ARHGAP42: variants seen among roughly 807,000 people sequenced by gnomAD.
ARHGAP42 encodes the protein Rho GTPase activating protein 42, also known as rho GTPase-activating protein 42.
ARHGAP42 carries 63 observed loss-of-function variants against 125.0 expected under a neutral mutation model. The ratio of observed to expected loss-of-function variants is 0.50; its 90% CI spans 0.41 to 0.62. ARHGAP42 has a LOEUF of 0.62. Ranked by LOEUF, ARHGAP42 falls within the 20% of genes least tolerant of loss-of-function variation. The pLI, the probability that ARHGAP42 is intolerant of heterozygous loss-of-function variation, is 0.00. For missense variants in ARHGAP42, 766 were observed against 1,024.2 expected, an observed-to-expected ratio of 0.75 and a Z score of 3.44; for synonymous variants, 339 against 351.0, an observed-to-expected ratio of 0.97 and a Z score of 0.38.
chr11:100,692,233 G>A (rs958777339), intron 1 of ARHGAP42, among the ~76,000 whole-genome samples: 2 of 152,096 alleles, frequency 1.3e-5, no homozygotes, highest in African/African-American at 4.8e-5. Flanking sequence ...GGAAAAAAAA[G>A]ATAATGGACT....
intron 1 of ARHGAP42, among the ~76,000 whole-genome samples, chr11:100,733,422 T>C (rs1321277873): frequency 2.0e-5 from 3 of 152,200 alleles, no homozygotes; most frequent in Admixed American, 1.3e-4. Flanking sequence ...TTGCAAACAC[T>C]AATTCTACAT....
At chr11:100,733,578 C>T (rs985163835) in intron 1 of ARHGAP42, among the ~76,000 whole-genome samples, 1 of 152,108 alleles carries the variant, frequency 6.6e-6, no homozygotes. Context: ...AATCCCAGCA[C>T]TCTGGGCGGC....
intron 1 of ARHGAP42, among the ~76,000 whole-genome samples, chr11:100,718,952 T>C (rs1217156585): frequency 6.6e-6 from 1 of 152,236 alleles, no homozygotes; most frequent in East Asian, 1.9e-4. Context: ...ATGGTATTTG[T>C]GATGGAGAAA....
intron 4 of ARHGAP42, among the ~76,000 whole-genome samples, chr11:100,874,732 T>C (rs1591258521): frequency 6.6e-6 from 1 of 152,318 alleles, no homozygotes. Flanking sequence ...AGTTCTCCAG[T>C]CTACCGTATC....
At chr11:100,889,657 A>G (rs1277822747) in intron 4 of ARHGAP42, among the ~76,000 whole-genome samples, 3 of 152,172 alleles carry the variant, frequency 2.0e-5, no homozygotes, top group Non-Finnish European at 2.9e-5. Context: ...TGGTTTTCTG[A>G]TTTAACCTAG....
intron 2 of ARHGAP42, among the ~76,000 whole-genome samples, chr11:100,777,491 CT>C (rs1262442925): frequency 6.6e-6 from 1 of 152,094 alleles, no homozygotes; most frequent in African/African-American, 2.4e-5. Context: ...TTTTTACTTA[CT>C]TTGAAGATGC....
chr11:100,953,025 T>TATTC (rs2135287650), intron 12 of ARHGAP42, among the ~76,000 whole-genome samples: 1 of 152,288 alleles, frequency 6.6e-6, no homozygotes, highest in Non-Finnish European at 1.5e-5. Context: ...TGTTAGGTCT[T>TATTC]GAATAAGTCA....
intron 7 of ARHGAP42, among the ~76,000 whole-genome samples, chr11:100,935,423 C>T (rs1867706894): frequency 6.6e-6 from 1 of 152,072 alleles, no homozygotes; most frequent in East Asian, 1.9e-4. Flanking sequence ...CAAAAATAGC[C>T]TTTGGAACTG....
intron 17 of ARHGAP42, among the ~76,000 whole-genome samples, chr11:100,968,334 C>G (rs965351980): frequency 6.6e-6 from 1 of 151,896 alleles, no homozygotes; most frequent in African/African-American, 2.4e-5. Context: ...TACCATTTTT[C>G]TTTTTGTTTT....
intron 5 of ARHGAP42, among the ~76,000 whole-genome samples, chr11:100,918,563 C>T (rs1867142649): frequency 6.6e-6 from 1 of 152,142 alleles, no homozygotes; most frequent in South Asian, 2.1e-4. Flanking sequence ...TTATCCAGTA[C>T]AAAATATATA....
chr11:100,848,442 G>A lies in ARHGAP42; in HGVS notation c.313-11112G>A, dbSNP rs537114684. On this transcript the variant is annotated intron_variant, in intron 3 of 23. Coordinates refer to ENST00000298815, the MANE Select transcript of ARHGAP42 (RefSeq NM_152432.4). Reference sequence around the variant, plus strand: ...GGAGATAAGGAGAGTTTTACAACCAGCAACCATCTTCCTGCTCATGTAAAC... The same window carrying A: ...GGAGATAAGGAGAGTTTTACAACCAACAACCATCTTCCTGCTCATGTAAAC... Among the ~76,000 whole-genome samples the A allele has an allele frequency of 3.2e-4, 49 of 152,020 alleles. No individual in the cohort carries two copies. The South Asian group carries it at 4.8e-3, about 15-fold the overall frequency.
chr11:100,715,358 G>C (rs1861641811), intron 1 of ARHGAP42, among the ~76,000 whole-genome samples: 1 of 152,134 alleles, frequency 6.6e-6, no homozygotes, highest in East Asian at 1.9e-4. Flanking sequence ...TTAACCCAGT[G>C]AATCTAGTAT....
intron 4 of ARHGAP42, among the ~76,000 whole-genome samples, chr11:100,888,326 A>G (rs614761): frequency 0.85 from 129,727 of 151,996 alleles, 55,493 homozygotes; most frequent in East Asian, 1. Flanking sequence ...TGATAGTTTC[A>G]TTTCTTGTAA....
At chr11:100,781,239 T>C (rs1424123256) in intron 2 of ARHGAP42, among the ~76,000 whole-genome samples, 3 of 152,162 alleles carry the variant, frequency 2.0e-5, no homozygotes, top group Non-Finnish European at 4.4e-5. Context: ...ATCTTTCTCT[T>C]ACTTTCTTTA....
chr11:100,770,358 T>C lies in ARHGAP42; in HGVS notation c.170T>C (p.Val57Ala). 2 of 1,549,808 alleles carry C rather than the reference T, an allele frequency of 1.3e-6. No homozygotes were observed. Among genetic ancestry groups the C allele is most frequent in the East Asian group, 2.4e-5 (1 of 40,850 alleles). Residue 57 changes from valine (V) to alanine (A), a missense_variant, in exon 2 of 24, where the codon GTG becomes GCG. Physicochemically the swap from Val to Ala is moderately conservative, Grantham distance 64 (BLOSUM62 0). This residue lies in a region of ARHGAP42 where 455 missense variants were observed against 636.5 expected (regional missense o/e 0.71). Transcript: ENST00000298815. ...IGALRNLSMA[V>A]QKFSQSLQDF... The stretch of plus-strand genomic sequence containing the variant: ...TTACTTGCAGATCTGTCTATGGCAG[T>C]GCAGAAATTTTCCCAGTCATTGCAA...
chr11:100,850,974 C>A (rs1417919923), intron 3 of ARHGAP42, among the ~76,000 whole-genome samples: 1 of 147,858 alleles, frequency 6.8e-6, no homozygotes, highest in Non-Finnish European at 1.5e-5. Flanking sequence ...CTCCGCCACC[C>A]AGGTTCAAAT....
At chr11:100,866,858 A>G (rs1430873080) in intron 4 of ARHGAP42, among the ~76,000 whole-genome samples, 2 of 152,178 alleles carry the variant, frequency 1.3e-5, no homozygotes, top group Admixed American at 6.5e-5. Context: ...TTTTTTAATC[A>G]TAAGACTTGA....
chr11:100,829,972 A>G (rs1289628005), intron 3 of ARHGAP42, among the ~76,000 whole-genome samples: 1 of 152,240 alleles, frequency 6.6e-6, no homozygotes, highest in Admixed American at 6.5e-5. Flanking sequence ...AAAGCTACAT[A>G]CTTTGGATTC....
intron 4 of ARHGAP42, among the ~76,000 whole-genome samples, chr11:100,893,846 T>G (rs1166445710): frequency 1.3e-5 from 2 of 152,122 alleles, no homozygotes; most frequent in African/African-American, 4.8e-5. Context: ...ATAGAAATAT[T>G]TATTTTAGGT....
Sources: allele counts gnomAD v4.1 joint callset (sites outside exome capture counted in the v4.1 genomes callset), GRCh38; gene constraint gnomAD v4.1.1; regional missense constraint gnomAD v4.1.1; transcripts MANE v1.5; gene names NCBI Gene and HGNC (gene_info 2026-07-23, HGNC 2026-07-21).